The following ALOX5 variants were observed in gnomAD, a reference collection of about 807,000 sequenced individuals.
The protein encoded by ALOX5 is polyunsaturated fatty acid 5-lipoxygenase.
ALOX5 carries 64 observed loss-of-function variants against 87.9 expected under a neutral mutation model. The observed-to-expected ratio is 0.73, with a 90% CI of 0.60 to 0.90. The LOEUF is 0.90. ALOX5 is among the 40% of genes least tolerant of loss of function. ALOX5 has a pLI of 0.00. For missense variants in ALOX5, 822 were observed against 907.5 expected (o/e 0.91, Z 1.21); for synonymous variants, 388 against 355.1 (o/e 1.09, Z -1.04).
intron 7 of ALOX5, among the ~76,000 whole-genome samples, chr10:45,433,197 T>C (rs773288070): frequency 1.3e-5 from 2 of 152,250 alleles, no homozygotes; most frequent in African/African-American, 4.8e-5. Flanking sequence ...CATGAGTTGT[T>C]GCAGCCTGGC....
chr10:45,419,980 G>C (rs1482740294), intron 4 of ALOX5, among the ~76,000 whole-genome samples: 1 of 152,180 alleles, frequency 6.6e-6, no homozygotes, highest in Non-Finnish European at 1.5e-5. Flanking sequence ...GGAAAGCAAA[G>C]CGTGGGTTTG....
At chr10:45,392,993 G>A (rs1195062208) in intron 2 of ALOX5, among the ~76,000 whole-genome samples, 1 of 152,190 alleles carries the variant, frequency 6.6e-6, no homozygotes, top group Non-Finnish European at 1.5e-5. Context: ...TTCAGGACCA[G>A]ATGGATTCAC....
At chr10:45,400,692 G>A (rs901678999) in intron 3 of ALOX5, among the ~76,000 whole-genome samples, 2 of 152,140 alleles carry the variant, frequency 1.3e-5, no homozygotes, top group African/African-American at 2.4e-5. Flanking sequence ...ACTCACTTAC[G>A]GAAGACCCCA....
intron 2 of ALOX5, among the ~76,000 whole-genome samples, chr10:45,384,121 G>C (rs999488290): frequency 6.6e-6 from 1 of 152,200 alleles, no homozygotes; most frequent in Admixed American, 6.5e-5. Flanking sequence ...CCTGATGCAG[G>C]GGGAGGGGGA....
intron 7 of ALOX5, among the ~76,000 whole-genome samples, chr10:45,430,640 A>T (rs932699548): frequency 1.3e-5 from 2 of 152,230 alleles, no homozygotes; most frequent in African/African-American, 4.8e-5. Context: ...TTAAAAAAAA[A>T]AAAGAACAGT....
chr10:45,392,089 G>A (rs1189061173), intron 2 of ALOX5, among the ~76,000 whole-genome samples: 1 of 150,868 alleles, frequency 6.6e-6, no homozygotes, highest in Admixed American at 6.6e-5. Context: ...GAGGTGGGGG[G>A]GTCAGCCCCC....
chr10:45,432,661 G>A (rs1295295688), intron 7 of ALOX5, among the ~76,000 whole-genome samples: 1 of 152,092 alleles, frequency 6.6e-6, no homozygotes, highest in African/African-American at 2.4e-5. Context: ...TCATGTAGAG[G>A]AGTTGCTTAG....
intron 3 of ALOX5, among the ~76,000 whole-genome samples, chr10:45,409,452 G>A (rs1788336974): frequency 6.6e-6 from 1 of 152,038 alleles, no homozygotes; most frequent in South Asian, 2.1e-4. Flanking sequence ...GTTACAGAAA[G>A]TCTTTTTACA....
intron 4 of ALOX5, among the ~76,000 whole-genome samples, chr10:45,416,629 T>G (rs1019170535): frequency 1.3e-5 from 2 of 152,184 alleles, no homozygotes; most frequent in Middle Eastern, 3.4e-3. Context: ...CCACCCAGTT[T>G]GGAGGGAATG....
chr10:45,404,408 G>A (rs1243523066), intron 3 of ALOX5, among the ~76,000 whole-genome samples: 2 of 152,238 alleles, frequency 1.3e-5, no homozygotes, highest in East Asian at 3.8e-4. Context: ...AGAAGGAGAA[G>A]CAGACCCAGG....
rs148397915 is a variant in ALOX5 at position 45,403,071 on chromosome 10, G to A, written c.431+7135G>A. ...AGGAGGACAAGTTGGTAAGACCTCC[G>A]TGGAAAACAATTTAGCAATATGTCA... On this transcript the variant is annotated intron_variant, in intron 3 of 13. Coordinates refer to ENST00000374391, the MANE Select transcript of ALOX5 (RefSeq NM_000698.5). Among the ~76,000 whole-genome samples the A allele has an allele frequency of 4.1e-4, 62 of 152,272 alleles. No individual in the cohort carries two copies. In the East Asian group the frequency reaches 0.011, roughly 27 times the overall value.
At chr10:45,407,080 G>A (rs1840911060) in intron 3 of ALOX5, among the ~76,000 whole-genome samples, 1 of 152,178 alleles carries the variant, frequency 6.6e-6, no homozygotes, top group Admixed American at 6.5e-5. Context: ...ATCTGAGTCT[G>A]TGCTTGTCGT....
At chr10:45,397,022 C>T (rs1038359920) in intron 3 of ALOX5, among the ~76,000 whole-genome samples, 1 of 152,176 alleles carries the variant, frequency 6.6e-6, no homozygotes, top group African/African-American at 2.4e-5. Context: ...ATCCAACACC[C>T]ATTCATGATA....
At chr10:45,378,263 G>T (rs577881564) in intron 1 of ALOX5, among the ~76,000 whole-genome samples, 4 of 152,184 alleles carry the variant, frequency 2.6e-5, no homozygotes, top group Non-Finnish European at 5.9e-5. Context: ...AGGGCTCAAA[G>T]CTGGGCCTTC....
At position 45,443,088 on chromosome 10, in the gene ALOX5, G is replaced by A; in HGVS notation, c.1323G>A (p.Met441Ile). 1 of 1,613,792 alleles carries A rather than the reference G, an allele frequency of 6.2e-7. No individual in the cohort carries two copies. The change falls in exon 10 of 14, where the codon ATG (methionine) becomes ATA (isoleucine). Residue 441 changes from methionine (M) to isoleucine (I), a missense_variant. By Grantham distance (10) the Met-to-Ile change is conservative (BLOSUM62 1). Coordinates refer to ENST00000374391, the MANE Select transcript of ALOX5 (RefSeq NM_000698.5). ...GGHVQMVQRA[M>I]KDLTYASLCF... ...ACGTGCAGATGGTGCAGAGGGCCAT[G>A]AAGGACCTGACCTATGCCTCCCTGT...
intron 2 of ALOX5, among the ~76,000 whole-genome samples, chr10:45,385,468 A>G (rs919247171): frequency 1.3e-5 from 2 of 152,142 alleles, no homozygotes; most frequent in Non-Finnish European, 2.9e-5. Context: ...CCATTGGATA[A>G]ATTCTTCAAA....
intron 5 of ALOX5, 80 bp downstream of exon 5, chr10:45,424,227 A>G: frequency 8.0e-7 from 1 of 1,254,348 alleles, no homozygotes; most frequent in East Asian, 2.3e-5. Flanking sequence ...CGGGAAATTG[A>G]CAAGGGCCTT....
In ALOX5 at chr10:45,445,572, G is replaced by T; in HGVS notation, c.1910G>T (p.Arg637Leu). The T allele has an allele frequency of 2.5e-6, 4 of 1,614,144 alleles. No homozygotes were observed. The highest frequency in any genetic ancestry group is 3.4e-6 in the Non-Finnish European group (4 of 1,180,020). ...AAGCCTGTGAAGGAAGCCATGGCCC[G>T]ATTCCGCAAGAACCTCGAGGCCATT... ...IEKPVKEAMA[R>L]FRKNLEAIVS... The change falls in exon 14 of 14, where the codon CGA becomes CTA. Residue 637 changes from arginine (R) to leucine (L), a missense_variant. Arg to Leu is a moderately radical substitution (Grantham distance 102). Transcript: ENST00000374391.
intron 2 of ALOX5, among the ~76,000 whole-genome samples, chr10:45,392,671 C>G (rs1014717755): frequency 2.0e-5 from 3 of 151,390 alleles, no homozygotes; most frequent in African/African-American, 7.3e-5. Flanking sequence ...CCTGCCAAAT[C>G]CCCCTCTGCG....
Sources: allele counts gnomAD v4.1 joint callset (sites outside exome capture counted in the v4.1 genomes callset), GRCh38; gene constraint gnomAD v4.1.1; transcripts MANE v1.5; gene names NCBI Gene and HGNC (gene_info 2026-07-23, HGNC 2026-07-21).